Variants in METTL16 observed in about 807,000 individuals in gnomAD.
METTL16 encodes RNA N(6)-adenosine-methyltransferase METTL16.
In METTL16, 19 loss-of-function variants were observed where a neutral mutation model predicts 57.9. That is an observed-to-expected ratio of 0.33 (90% CI 0.23 to 0.48). METTL16 has a LOEUF of 0.48. METTL16 is among the 20% of genes least tolerant of loss of function. METTL16 has a pLI of 0.99. For synonymous variants in METTL16, 246 were observed against 255.6 expected (o/e 0.96, Z 0.36); for missense variants, 434 against 691.5 (o/e 0.63, Z 4.18).
chr17:2,420,233 C>T lies in METTL16; in HGVS notation c.1426G>A (p.Val476Ile), dbSNP rs747521136. Residue 476 changes from valine to isoleucine, a missense_variant, in exon 10 of 10, where the codon GTT becomes ATT. Transcript: ENST00000263092. The surrounding 1 kb of genome is among the most constrained non-coding windows in gnomAD (Gnocchi z 5.4). ...CTAGAGCCTTGACAACTTTCCAAAA[C>T]CTCCACCCCTCCCTTTTCCTCACTC... ...ERSEEKGGVEVLESCQGSSNG... is the reference protein window; with the variant it reads ...ERSEEKGGVEILESCQGSSNG... 1.9e-6 allele frequency: 3 copies of T among 1,614,198 alleles called. No homozygotes were observed. The highest frequency in any genetic ancestry group is 2.5e-6 in the Non-Finnish European group (3 of 1,180,038).
chr17:2,442,308 C>T (rs2066958927), intron 6 of METTL16, among the ~76,000 whole-genome samples: 1 of 152,138 alleles, frequency 6.6e-6, no homozygotes, highest in African/African-American at 2.4e-5. Flanking sequence ...ATGAGGTGAG[C>T]CTGCATTTGC....
intron 3 of METTL16, among the ~76,000 whole-genome samples, chr17:2,475,810 T>C (rs2067265152): frequency 6.6e-6 from 1 of 152,230 alleles, no homozygotes; most frequent in Non-Finnish European, 1.5e-5. Context: ...AGAATGGATG[T>C]GATTGCAGTT....
At chr17:2,489,639 T>C (rs1358504717) in intron 2 of METTL16, among the ~76,000 whole-genome samples, 3 of 143,084 alleles carry the variant, frequency 2.1e-5, no homozygotes, top group African/African-American at 7.9e-5. Context: ...CTAAGGAGGC[T>C]GAGGCAGGAG....
At chr17:2,426,728 C>CAAAAAAAAAAAA (rs778818177) in intron 8 of METTL16, among the ~76,000 whole-genome samples, 2 of 35,146 alleles carry the variant, frequency 5.7e-5, no homozygotes, top group African/African-American at 2.0e-4. Context: ...GACTCCGTCT[C>CAAAAAAAAAAAA]AAAAAAAAAA....
At chr17:2,482,240 C>T (rs566072490) in intron 2 of METTL16, among the ~76,000 whole-genome samples, 3 of 152,268 alleles carry the variant, frequency 2.0e-5, no homozygotes, top group African/African-American at 4.8e-5. Flanking sequence ...CGAAACCATA[C>T]GTAACAAAAT....
Position 2,496,772 on chromosome 17 carries a change from G to C in METTL16, c.128+5432C>G, listed in dbSNP as rs143044892. 7.9e-4 allele frequency among the ~76,000 whole-genome samples: 120 copies of C among 151,546 alleles called. 4 individuals carry two copies. The highest frequency in any genetic ancestry group is 2.8e-3 in the African/African-American group (113 of 40,942). ...AGTGGGAGAGGTTTAGGTCACGAGG[G>C]CTTTGCCCTTATGAATGGATTAATG... On this transcript the variant is annotated intron_variant, in intron 2 of 9. Coordinates refer to ENST00000263092, the MANE Select transcript of METTL16 (RefSeq NM_024086.4).
intron 8 of METTL16, among the ~76,000 whole-genome samples, chr17:2,431,819 T>C (rs1442598281): frequency 6.6e-6 from 1 of 152,212 alleles, no homozygotes; most frequent in Non-Finnish European, 1.5e-5. Context: ...AAAAATAACC[T>C]TATCATTTGC....
intron 2 of METTL16, among the ~76,000 whole-genome samples, chr17:2,478,298 T>C (rs1055418245): frequency 1.3e-5 from 2 of 152,230 alleles, no homozygotes; most frequent in African/African-American, 4.8e-5. Flanking sequence ...TGGTGCATAA[T>C]AACTATTTTA....
intron 2 of METTL16, among the ~76,000 whole-genome samples, chr17:2,500,921 A>T (rs1317979925): frequency 6.6e-6 from 1 of 152,066 alleles, no homozygotes; most frequent in Non-Finnish European, 1.5e-5. Flanking sequence ...GTTCAAGACC[A>T]GTCTGGCCAA....
chr17:2,451,230 AAACACTTT>A (rs2067066972), intron 6 of METTL16, among the ~76,000 whole-genome samples: 1 of 152,222 alleles, frequency 6.6e-6, no homozygotes, highest in South Asian at 2.1e-4. Flanking sequence ...GTTATAGCTA[AAACACTTT>A]AAACAAACCC....
At chr17:2,457,701 A>T (rs2067121549) in intron 6 of METTL16, among the ~76,000 whole-genome samples, 1 of 147,362 alleles carries the variant, frequency 6.8e-6, no homozygotes, top group Admixed American at 7.0e-5. Context: ...ACAGAGCGAG[A>T]CTCTGTCTCA....
rs778367046 is a variant in METTL16, at chr17:2,464,352, T to A, written c.586-2A>T. 6.3e-7 allele frequency: 1 copy of A among 1,587,982 alleles called. No individual in the cohort carries two copies. The highest frequency in any genetic ancestry group is 1.9e-5 in the Admixed American group (1 of 52,026). On this transcript the variant is annotated splice_acceptor_variant, in intron 5 of 9. Coordinates refer to ENST00000263092, the MANE Select transcript of METTL16 (RefSeq NM_024086.4). LOFTEE classifies it high-confidence loss of function. ...TCGAGGATTTCGTGAGTTTACTCCCTGAAAAACAACAAAAAACCCTGGTGA... is the reference window on the plus strand; with the variant it reads ...TCGAGGATTTCGTGAGTTTACTCCCAGAAAAACAACAAAAAACCCTGGTGA...
chr17:2,431,805 G>C (rs1193621632), intron 8 of METTL16, among the ~76,000 whole-genome samples: 2 of 152,126 alleles, frequency 1.3e-5, no homozygotes, highest in African/African-American at 4.8e-5. Flanking sequence ...AAAATTAAAT[G>C]TTTAAAAATA....
At chr17:2,457,506 G>GTCTTGCT (rs2067120225) in intron 6 of METTL16, among the ~76,000 whole-genome samples, 1 of 151,910 alleles carries the variant, frequency 6.6e-6, no homozygotes, top group African/African-American at 2.4e-5. Flanking sequence ...CAGGAGTTTT[G>GTCTTGCT]AGACCAGCCT....
intron 6 of METTL16, 59 bp from the exon 7 acceptor site, chr17:2,441,618 A>G (rs1567886697): frequency 8.7e-7 from 1 of 1,152,034 alleles, no homozygotes; most frequent in East Asian, 2.7e-5. Flanking sequence ...TTTTAAACTA[A>G]GCATTATTCA....
At chr17:2,489,111 C>CTTTTT (rs11404983) in intron 2 of METTL16, among the ~76,000 whole-genome samples, 1 of 146,324 alleles carries the variant, frequency 6.8e-6, no homozygotes. Flanking sequence ...ACTTTTCATT[C>CTTTTT]TTTTTTTTTT....
At chr17:2,458,494 T>C (rs1486573377) in intron 6 of METTL16, among the ~76,000 whole-genome samples, 1 of 152,016 alleles carries the variant, frequency 6.6e-6, no homozygotes, top group African/African-American at 2.4e-5. Context: ...GGCAGATCAT[T>C]TGAGCTCAAG....
intron 1 of METTL16, among the ~76,000 whole-genome samples, chr17:2,509,394 G>C (rs1216079513): frequency 6.6e-6 from 1 of 151,970 alleles, no homozygotes; most frequent in East Asian, 1.9e-4. Flanking sequence ...CAGGAAAGAG[G>C]GGAGCATAAA....
At chr17:2,511,307 C>A (rs541935982) in intron 1 of METTL16, among the ~76,000 whole-genome samples, 25 of 152,010 alleles carry the variant, frequency 1.6e-4, no homozygotes, top group African/African-American at 5.1e-4. Flanking sequence ...TCTCTTGATA[C>A]ACAGCCTGTA....
Sources: gnomAD v4.1 joint callset for allele counts (sites outside exome capture counted in the v4.1 genomes callset) on GRCh38, gnomAD v4.1.1 for gene constraint, Gnocchi (gnomAD v3.1) non-coding constraint, MANE v1.5 for transcripts, NCBI Gene and HGNC (gene_info 2026-07-23, HGNC 2026-07-21) for gene names.